Variants in SPEF2 observed in about 807,000 individuals in gnomAD.
SPEF2 encodes sperm flagellar and cilia associated 2.
A neutral mutation model predicts 224.6 loss-of-function variants in SPEF2; 187 were observed. The observed-to-expected ratio is 0.83, with a 90% CI of 0.74 to 0.94. The LOEUF (loss-of-function observed/expected upper bound fraction) is 0.94, where lower values mean the gene tolerates loss of function less well. Ranked by LOEUF, SPEF2 falls within the 40% of genes least tolerant of loss-of-function variation. SPEF2 has a pLI of 0.00. For missense variants in SPEF2, 2,170 were observed against 2,135.6 expected (o/e 1.02, Z -0.32); for synonymous variants, 715 against 707.3 (o/e 1.01, Z -0.17).
At chr5:35,798,093 A>G (rs1580775181) in intron 33 of SPEF2, among the ~76,000 whole-genome samples, 1 of 152,076 alleles carries the variant, frequency 6.6e-6, no homozygotes, top group African/African-American at 2.4e-5. Flanking sequence ...TATTGCCATC[A>G]CCTGGAACAA....
Position 35,634,052 on chromosome 5 carries a change from C to T in SPEF2, c.161+5490C>T, listed in dbSNP as rs144797676. 2.1e-3 allele frequency among the ~76,000 whole-genome samples: 318 copies of T among 151,968 alleles called. 4 individuals are homozygous for T. The highest frequency in any genetic ancestry group is 6.6e-3 in the African/African-American group (272 of 41,462). ...TCAGATAAGGAGAAGAAAATAGTTACGAACAAAAATATATTTAAACTATTT... is the reference window on the plus strand; with the variant it reads ...TCAGATAAGGAGAAGAAAATAGTTATGAACAAAAATATATTTAAACTATTT... On this transcript the variant is annotated intron_variant, in intron 2 of 36. Transcript: ENST00000356031.
intron 1 of SPEF2, among the ~76,000 whole-genome samples, chr5:35,620,996 A>G (rs286437): frequency 0.26 from 38,837 of 152,060 alleles, 7,644 homozygotes; most frequent in African/African-American, 0.56. Context: ...GGGGAAGTGG[A>G]AGATTGGTAG....
Position 35,708,979 on chromosome 5 carries a change from GA to G in SPEF2, c.2703del (p.Ala902GlnfsTer84). 1 of 1,612,372 alleles carries G rather than the reference GA, an allele frequency of 6.2e-7. No homozygotes were observed. The highest frequency in any genetic ancestry group is 8.5e-7 in the Non-Finnish European group (1 of 1,179,628). On this transcript the variant is annotated frameshift_variant, in exon 19 of 37. Coordinates refer to ENST00000356031, the MANE Select transcript of SPEF2 (RefSeq NM_024867.4). LOFTEE classifies it high-confidence loss of function. ...AGAAATTAGAAGAAAAGGAAGCTGA[GA>G]AAAAAGCAGCAGCTTCCCTGGCTGA... ...EKKLEEKEAEKKAAASLAELP... is the reference protein window; with the variant it reads ...EKKLEEKEAEXKAAASLAELP...
chr5:35,810,549 T>C (rs1758472986), intron 36 of SPEF2, among the ~76,000 whole-genome samples: 1 of 152,214 alleles, frequency 6.6e-6, no homozygotes, highest in African/African-American at 2.4e-5. Context: ...CAATGTTAAC[T>C]GAAGTACTAT....
intron 28 of SPEF2, 81 bp downstream of exon 28, chr5:35,774,102 T>C: frequency 6.5e-7 from 1 of 1,530,474 alleles, no homozygotes; most frequent in Non-Finnish European, 8.8e-7. Context: ...GGCTCATCAA[T>C]TGCCTCAGAC....
At chr5:35,685,602 A>T (rs1008518723) in intron 10 of SPEF2, among the ~76,000 whole-genome samples, 18 of 152,112 alleles carry the variant, frequency 1.2e-4, no homozygotes, top group African/African-American at 3.6e-4. Context: ...CCACTTTGTC[A>T]TATTAATCAA....
In SPEF2 at chr5:35,717,522, C is replaced by T. The variant is rs150894387; in HGVS notation, c.2914+4636C>T. ...GACTTTTCCTTAGTTCAGCTAAAGA[C>T]GGGGTTCTTGTCCATCCCATGGCCA... On this transcript the variant is annotated intron_variant, in intron 20 of 36. Coordinates refer to ENST00000356031, the MANE Select transcript of SPEF2 (RefSeq NM_024867.4). Among the ~76,000 whole-genome samples the T allele has an allele frequency of 3.5e-4, 53 of 152,180 alleles. No homozygotes were observed. The East Asian group carries it at 6.0e-3, about 17-fold the overall frequency.
chr5:35,751,598 T>C (rs1262725653), intron 23 of SPEF2, among the ~76,000 whole-genome samples: 1 of 152,134 alleles, frequency 6.6e-6, no homozygotes, highest in Non-Finnish European at 1.5e-5. Context: ...AAAATAATGA[T>C]ATATTGTTCT....
chr5:35,740,096 A>G (rs780719991), intron 22 of SPEF2, 33 bp from the exon 23 acceptor site: 8 of 1,613,974 alleles, frequency 5.0e-6, no homozygotes, highest in Middle Eastern at 1.6e-4. Flanking sequence ...GGCATGACAT[A>G]TAAAATTTAT....
In SPEF2 at chr5:35,670,192, G is replaced by T; in HGVS notation, c.1489G>T (p.Asp497Tyr). The T allele has an allele frequency of 6.2e-7, 1 of 1,611,474 alleles. No individual in the cohort carries two copies. Among genetic ancestry groups the T allele is most frequent in the Non-Finnish European group, 8.5e-7 (1 of 1,178,466 alleles). Residue 497 changes from aspartate to tyrosine, a missense_variant, in exon 10 of 37, where the codon GAC becomes TAC. Transcript: ENST00000356031. ...REQLTELEKR[D>Y]LLDTNDYEEY... ...ACAACTTACAGAACTGGAGAAAAGG[G>T]ACTTGCTAGATACCAATGATTATGA...
chr5:35,773,298 T>C (rs1753127072), intron 27 of SPEF2, among the ~76,000 whole-genome samples: 1 of 152,116 alleles, frequency 6.6e-6, no homozygotes, highest in African/African-American at 2.4e-5. Flanking sequence ...AAAGATTGCC[T>C]GAGCTTGGGA....
intron 34 of SPEF2, among the ~76,000 whole-genome samples, chr5:35,802,467 C>T (rs968688810): frequency 3.3e-5 from 5 of 151,566 alleles, no homozygotes; most frequent in Non-Finnish European, 1.5e-5. Flanking sequence ...AGGAGGAAGA[C>T]AGGCAATAAA....
At chr5:35,811,845 T>C (rs1197556052) in intron 36 of SPEF2, among the ~76,000 whole-genome samples, 6 of 146,876 alleles carry the variant, frequency 4.1e-5, no homozygotes, top group African/African-American at 1.5e-4. Context: ...GATTCAGTGG[T>C]GCAATCTTGG....
chr5:35,735,842 G>A (rs910028543), intron 21 of SPEF2, among the ~76,000 whole-genome samples: 13 of 152,084 alleles, frequency 8.5e-5, no homozygotes, highest in East Asian at 1.9e-4. Flanking sequence ...AAATGTAATC[G>A]GAGAAATAAC....
intron 36 of SPEF2, among the ~76,000 whole-genome samples, chr5:35,810,696 C>T (rs555099458): frequency 6.6e-6 from 1 of 152,222 alleles, no homozygotes; most frequent in Non-Finnish European, 1.5e-5. Context: ...TCTGCCTGCA[C>T]ATTTGCCAAG....
At chr5:35,795,636 T>G (rs716971) in intron 32 of SPEF2, 67 bp from the exon 33 acceptor site, 1 of 1,409,856 alleles carries the variant, frequency 7.1e-7, no homozygotes, top group African/African-American at 1.4e-5. Context: ...TCAGTCTCTG[T>G]GGCTTTTAGA....
chr5:35,713,400 T>A (rs974044027), intron 20 of SPEF2, among the ~76,000 whole-genome samples: 1 of 152,100 alleles, frequency 6.6e-6, no homozygotes. Flanking sequence ...CTGTCTACAT[T>A]TTTTTGTAAT....
rs190848515 is a variant in SPEF2 at position 35,733,260 on chromosome 5, G to A, written c.3063+5437G>A. 5.8e-3 allele frequency among the ~76,000 whole-genome samples: 884 copies of A among 152,118 alleles called. 6 individuals carry two copies. The highest frequency in any genetic ancestry group is 0.031 in the South Asian group (147 of 4,808). The stretch of plus-strand genomic sequence containing the variant: ...CTCCTGAGTAGCCGGGACTACAGGC[G>A]CCCGCCACCACGCCCGACTAGTTTT... On this transcript the variant is annotated intron_variant, in intron 21 of 36. Transcript: ENST00000356031.
At chr5:35,808,154 C>CTTCCTGTGT (rs1758293478) in intron 36 of SPEF2, 1 of 984,724 alleles carries the variant, frequency 1.0e-6, no homozygotes, top group Non-Finnish European at 1.2e-6. Context: ...TGTGCCTAAA[C>CTTCCTGTGT]GTTTTTGTTC....
Sources: gnomAD v4.1 joint callset for allele counts (sites outside exome capture counted in the v4.1 genomes callset) on GRCh38, gnomAD v4.1.1 for gene constraint, MANE v1.5 for transcripts, NCBI Gene and HGNC (gene_info 2026-07-23, HGNC 2026-07-21) for gene names.